CDK13: variants seen among roughly 807,000 people sequenced by gnomAD.
CDK13 encodes cyclin-dependent kinase 13.
In CDK13, 40 loss-of-function variants were observed where a neutral mutation model predicts 137.6. The ratio of observed to expected loss-of-function variants is 0.29; its 90% CI spans 0.23 to 0.38. The LOEUF (loss-of-function observed/expected upper bound fraction) is 0.38. Among genes scored for constraint, CDK13 ranks in the 10% least tolerant of loss-of-function variants. The pLI is 1.00. For missense variants in CDK13, 1,704 were observed against 1,951.8 expected (o/e 0.87, Z 2.39); for synonymous variants, 869 against 760.1 (o/e 1.14, Z -2.36).
chr7:39,989,803 G>GCGCC (rs1784420453), intron 2 of CDK13, among the ~76,000 whole-genome samples: 1 of 145,070 alleles, frequency 6.9e-6, no homozygotes, highest in Non-Finnish European at 1.5e-5. Context: ...TTTTTTTTGA[G>GCGCC]ACGGAGTCTT....
intron 1 of CDK13, among the ~76,000 whole-genome samples, chr7:39,968,616 A>G (rs940344521): frequency 2.0e-5 from 3 of 152,210 alleles, no homozygotes; most frequent in Non-Finnish European, 4.4e-5. Context: ...AGTTGACTAT[A>G]AATGGGTTTA....
At position 40,037,907 on chromosome 7, in the gene CDK13, A is replaced by G. The variant is rs370504521; in HGVS notation, c.2354-7929A>G. Among the ~76,000 whole-genome samples, 10 of 152,362 alleles carry G rather than the reference A, an allele frequency of 6.6e-5. No homozygotes were observed. The East Asian group carries it at 1.7e-3, about 26-fold the overall frequency. On this transcript the variant is annotated intron_variant, in intron 5 of 13. Coordinates refer to ENST00000181839, the MANE Select transcript of CDK13 (RefSeq NM_003718.5). ...TACCCCCCAGCTGTATATAGTCAGT[A>G]TACTCTATTGTAGACAGTTTATGCA...
chr7:39,992,342 C>T (rs114112172), intron 2 of CDK13, among the ~76,000 whole-genome samples: 5,972 of 151,990 alleles, frequency 0.039, 343 homozygotes, highest in African/African-American at 0.13. Flanking sequence ...GGGTTACAGG[C>T]GCACACCAGC....
intron 2 of CDK13, among the ~76,000 whole-genome samples, chr7:39,988,945 G>A (rs1280231054): frequency 6.6e-6 from 1 of 151,646 alleles, no homozygotes; most frequent in African/African-American, 2.4e-5. Flanking sequence ...TTAGCTGGGC[G>A]CAGTGGCAGG....
At chr7:40,040,969 C>A (rs776316696) in intron 5 of CDK13, among the ~76,000 whole-genome samples, 4 of 152,008 alleles carry the variant, frequency 2.6e-5, no homozygotes, top group Non-Finnish European at 4.4e-5. Flanking sequence ...AGAATGTGAG[C>A]CATTGCATTT....
Position 40,094,831 on chromosome 7 carries a change from G to T in CDK13, c.4390G>T (p.Gly1464Cys). Residue 1464 changes from glycine to cysteine, a missense_variant, in exon 14 of 14, where the codon GGT (glycine) becomes TGT (cysteine). Gly to Cys is a radical substitution (Grantham distance 159). Around this residue, in one of 5 missense-constraint regions of CDK13, gnomAD observed 475 missense variants for 579.3 expected, o/e 0.82. Coordinates refer to ENST00000181839, the MANE Select transcript of CDK13 (RefSeq NM_003718.5). ...PAKMHNYNYG[G>C]NLQENPSGPS... The stretch of plus-strand genomic sequence containing the variant: ...AAAGATGCACAACTATAACTATGGT[G>T]GTAACTTACAGGAAAATCCGAGTGG... The T allele has an allele frequency of 6.4e-7, 1 of 1,563,010 alleles. No homozygotes were observed. Among genetic ancestry groups the T allele is most frequent in the South Asian group, 1.2e-5 (1 of 81,462 alleles).
Position 40,001,975 on chromosome 7 carries a change from A to G in CDK13, c.2297A>G (p.Asn766Ser), listed in dbSNP as rs769546328. 1 of 1,611,040 alleles carries G rather than the reference A, an allele frequency of 6.2e-7. No individual in the cohort carries two copies. The highest frequency in any genetic ancestry group is 8.5e-7 in the Non-Finnish European group (1 of 1,177,736). Residue 766 changes from asparagine to serine, a missense_variant, in exon 5 of 14, where the codon AAT (asparagine) becomes AGT (serine). Asn to Ser is a conservative substitution (Grantham distance 46, BLOSUM62 1). Transcript: ENST00000181839. ...CAGCTTACCCATCAGAGTATTATCA[A>G]TATGAAGGAAATAGTGACTGATAAA... is the stretch of plus-strand genomic sequence containing the variant. ...LRQLTHQSII[N>S]MKEIVTDKED...
chr7:39,998,011 T>C (rs1411353762), intron 3 of CDK13: 1 of 179,900 alleles, frequency 5.6e-6, no homozygotes, highest in African/African-American at 2.4e-5. Context: ...ATAAAATTAG[T>C]AATGGGCAAG....
intron 11 of CDK13, among the ~76,000 whole-genome samples, chr7:40,081,133 T>C (rs1220391428): frequency 6.6e-6 from 1 of 152,192 alleles, no homozygotes; most frequent in Non-Finnish European, 1.5e-5. Flanking sequence ...AGCTAGCTCT[T>C]TGGTAAAATA....
chr7:39,978,498 T>C (rs1345812796), intron 1 of CDK13, among the ~76,000 whole-genome samples: 1 of 152,228 alleles, frequency 6.6e-6, no homozygotes. Context: ...ATAAAGATAA[T>C]ATCAGTATGT....
intron 5 of CDK13, among the ~76,000 whole-genome samples, chr7:40,012,040 A>C (rs1334717365): frequency 1.3e-5 from 2 of 152,184 alleles, no homozygotes; most frequent in African/African-American, 4.8e-5. Context: ...ATGTTCAACA[A>C]CTTAGTTATT....
intron 9 of CDK13, chr7:40,069,243 A>G (rs2150530673): frequency 2.3e-6 from 1 of 438,128 alleles, no homozygotes. Flanking sequence ...TCAAAAAAAC[A>G]GAAATAAAAC....
In CDK13 at chr7:40,087,546, G is replaced by GTTTTT. The variant is rs35686770; in HGVS notation, c.3030-564_3030-560dup. On this transcript the variant is annotated intron_variant, in intron 11 of 13. Coordinates refer to ENST00000181839, the MANE Select transcript of CDK13 (RefSeq NM_003718.5). ...AGGTTGCACCAACAGCAATAGTGGT[G>GTTTTT]TTTTTTTTTTTTTTTTTTTTGAGAC... 1.3e-3 allele frequency among the ~76,000 whole-genome samples: 150 copies of GTTTTT among 112,030 alleles called. 7 individuals are homozygous for GTTTTT. Among genetic ancestry groups the GTTTTT allele is most frequent in the African/African-American group, 5.1e-3 (138 of 27,298 alleles). The allele number at this position is 112,030 out of a possible 152,430, so 73.5% of individuals were successfully genotyped here. A position where few individuals can be genotyped will look rare whatever the true frequency, so the allele number is the denominator to read the frequency against.
intron 12 of CDK13, 74 bp from the exon 13 acceptor site, chr7:40,092,711 C>A: frequency 2.9e-6 from 3 of 1,045,412 alleles, no homozygotes; most frequent in Non-Finnish European, 4.3e-6. Flanking sequence ...TATGGTAATA[C>A]AGAGCCATTT....
chr7:39,984,300 A>T (rs979995888), intron 1 of CDK13: 2 of 151,900 alleles, frequency 1.3e-5, no homozygotes, highest in African/African-American at 2.4e-5. Flanking sequence ...TGTCCCAGCT[A>T]CTCAGGAAGC....
intron 5 of CDK13, among the ~76,000 whole-genome samples, chr7:40,028,305 G>A (rs1285691674): frequency 2.0e-5 from 3 of 146,604 alleles, no homozygotes; most frequent in South Asian, 2.1e-4. Context: ...TACAAGCTCC[G>A]CCTCCCAGGT....
At chr7:40,039,175 G>A (rs981153522) in intron 5 of CDK13, among the ~76,000 whole-genome samples, 12 of 151,612 alleles carry the variant, frequency 7.9e-5, no homozygotes, top group African/African-American at 2.9e-4. Context: ...CTCTTTTTTC[G>A]GATGAGCTAA....
chr7:40,031,828 G>GTTATTATTATTATTATTA (rs34654098), intron 5 of CDK13, among the ~76,000 whole-genome samples: 12 of 139,106 alleles, frequency 8.6e-5, no homozygotes, highest in African/African-American at 2.6e-4. Context: ...TATTATTATT[G>GTTATTATTATTATTATTA]TTATTATTAT....
chr7:39,961,321 C>T (rs1438624799), intron 1 of CDK13, among the ~76,000 whole-genome samples: 2 of 152,142 alleles, frequency 1.3e-5, no homozygotes, highest in African/African-American at 4.8e-5. Context: ...GATCTCGCCA[C>T]GACACTCCAG....
Sources: allele counts gnomAD v4.1 joint callset (sites outside exome capture counted in the v4.1 genomes callset), GRCh38; gene constraint gnomAD v4.1.1; regional missense constraint gnomAD v4.1.1; transcripts MANE v1.5; gene names NCBI Gene and HGNC (gene_info 2026-07-23, HGNC 2026-07-21).